Variants in DOK7 observed in about 807,000 individuals in gnomAD.
DOK7 encodes protein Dok-7.
In DOK7, 32 loss-of-function variants were observed where a neutral mutation model predicts 30.7. The ratio of observed to expected loss-of-function variants is 1.04; its 90% CI spans 0.79 to 1.40. DOK7 has a LOEUF of 1.40. Among genes scored for constraint, DOK7 ranks in the 40% most tolerant of loss-of-function variants. DOK7 has a pLI of 0.00. For missense variants in DOK7, 1,007 were observed against 699.2 expected, an observed-to-expected ratio of 1.44 and a Z score of -4.97; for synonymous variants, 447 against 324.1, an observed-to-expected ratio of 1.38 and a Z score of -4.07.
chr4:3,489,378 GTGAGGAAGA>G (rs1453280778), intron 5 of DOK7, among the ~76,000 whole-genome samples: 10 of 152,208 alleles, frequency 6.6e-5, no homozygotes, highest in East Asian at 1.9e-4. Flanking sequence ...AAACTCGGTG[GTGAGGAAGA>G]TGAGGAAGGA....
At chr4:3,492,615 T>C in intron 6 of DOK7, 144 bp from the exon 7 acceptor site, 1 of 1,107,974 alleles carries the variant, frequency 9.0e-7, no homozygotes. Flanking sequence ...GCCAGGTTTC[T>C]GCTGTAGGCC....
intron 4 of DOK7, among the ~76,000 whole-genome samples, chr4:3,478,568 G>C (rs1727258258): frequency 8.6e-6 from 1 of 116,372 alleles, no homozygotes; most frequent in African/African-American, 3.1e-5. Context: ...TGCAGACTGG[G>C]CTGGCCCCAC....
Position 3,493,651 on chromosome 4 carries a change from C to G in DOK7, c.*150C>G. 1 of 1,459,254 alleles carries G rather than the reference C, an allele frequency of 6.9e-7. No individual in the cohort carries two copies. Among genetic ancestry groups the G allele is most frequent in the Non-Finnish European group, 9.1e-7 (1 of 1,104,608 alleles). The allele number at this position is 1,459,254 out of a possible 1,614,324, so 90.4% of individuals were successfully genotyped here. A position where few individuals can be genotyped will look rare whatever the true frequency, so the allele number is the denominator to read the frequency against. ...GGAGAGGGGAGCTGGAGGGCGCGCC[C>G]TGTGGCTGCCACCGGAGGAAGGGGC... On this transcript the variant is annotated 3_prime_UTR_variant, in exon 7 of 7. Transcript: ENST00000340083.
At position 3,471,543 on chromosome 4, in the gene DOK7, T is replaced by C. The variant is rs1482682345; in HGVS notation, c.101-1863T>C. 2.6e-5 allele frequency among the ~76,000 whole-genome samples: 4 copies of C among 152,362 alleles called. No individual in the cohort carries two copies. The East Asian group carries it at 7.7e-4, about 29-fold the overall frequency. ...CACTTCAACTGCAGACGGTGGAGAC[T>C]GCGGGCTGTCCTCCGGCTCAAGCGG... On this transcript the variant is annotated intron_variant, in intron 2 of 6. Transcript: ENST00000340083.
Position 3,494,329 on chromosome 4 carries a change from C to G in DOK7, c.*828C>G. The G allele has an allele frequency of 1.0e-6, 1 of 985,806 alleles. No homozygotes were observed. Among genetic ancestry groups the G allele is most frequent in the Non-Finnish European group, 1.2e-6 (1 of 830,208 alleles). The allele number at this position is 985,806 out of a possible 1,614,324, so 61.1% of individuals were successfully genotyped here. ...TGGGGCTGTGTTGGGCCCATTGTCC[C>G]CCGCCCTGGGTGGCTTCCTCTTGCA... On this transcript the variant is annotated 3_prime_UTR_variant, in exon 7 of 7. Coordinates refer to ENST00000340083, the MANE Select transcript of DOK7 (RefSeq NM_173660.5).
At chr4:3,489,633 G>C in intron 5 of DOK7, 44 bp from the exon 6 acceptor site, 3 of 1,556,884 alleles carry the variant, frequency 1.9e-6, no homozygotes. Context: ...GCGAGGGTGG[G>C]CGGTGGTGGC....
intron 2 of DOK7, among the ~76,000 whole-genome samples, chr4:3,464,398 G>C (rs565948830): frequency 6.6e-6 from 1 of 152,182 alleles, no homozygotes; most frequent in African/African-American, 2.4e-5. Flanking sequence ...GCCTGCCTCC[G>C]CCTCCCCTTG....
chr4:3,464,720 A>G lies in DOK7; in HGVS notation c.100+1169A>G, dbSNP rs563159824. ...GCCGCATCCCAGGAAGGCACCCGGG[A>G]CAGCAGCCCCCAAAGAGGAGTGTCG... is the stretch of plus-strand genomic sequence containing the variant. On this transcript the variant is annotated intron_variant, in intron 2 of 6. Transcript: ENST00000340083. Among the ~76,000 whole-genome samples, 8 of 152,284 alleles carry G rather than the reference A, an allele frequency of 5.3e-5. No homozygotes were observed. The South Asian group carries it at 1.2e-3, about 24-fold the overall frequency.
chr4:3,494,508 G>A (rs950081386), downstream of DOK7: 136 of 985,452 alleles, frequency 1.4e-4, no homozygotes, highest in Non-Finnish European at 1.3e-4. Context: ...CCGTTGCCCA[G>A]CCCTCTCCGC....
chr4:3,467,419 G>A (rs1726359139), intron 2 of DOK7, among the ~76,000 whole-genome samples: 1 of 151,494 alleles, frequency 6.6e-6, no homozygotes, highest in Admixed American at 6.6e-5. Context: ...GGTGTCTGGT[G>A]GGCTTCTCAG....
intron 2 of DOK7, among the ~76,000 whole-genome samples, chr4:3,472,522 C>T (rs1006224012): frequency 6.6e-6 from 1 of 152,218 alleles, no homozygotes; most frequent in African/African-American, 2.4e-5. Flanking sequence ...CCGGGAGGGC[C>T]GGGAGTCTTC....
In DOK7 at chr4:3,492,906, C is replaced by T. The variant is rs766438376; in HGVS notation, c.920C>T (p.Ala307Val). ...CCTAGACCAGCAGCTGCCCAGGCCG[C>T]CGGGGAAGCCATGGTGGGTGCCTCA... ...EGPRPAAAQA[A>V]GEAMVGASRP... The change falls in exon 7 of 7, where the codon GCC (alanine) becomes GTC (valine). Residue 307 changes from alanine (A) to valine (V), a missense_variant. Transcript: ENST00000340083. The T allele has an allele frequency of 1.3e-6, 2 of 1,575,270 alleles. No individual in the cohort carries two copies. Among genetic ancestry groups the T allele is most frequent in the Non-Finnish European group, 1.7e-6 (2 of 1,163,632 alleles).
At chr4:3,496,962 GA>G, downstream of DOK7, 1 of 328,552 alleles carries the variant, frequency 3.0e-6, no homozygotes, top group Non-Finnish European at 6.1e-6. Context: ...GGGGAGGGGG[GA>G]GGGTGGGGGG....
At position 3,492,815 on chromosome 4, in the gene DOK7, G is replaced by A. The variant is rs759117081; in HGVS notation, c.829G>A (p.Ala277Thr). The A allele has an allele frequency of 5.5e-5, 88 of 1,612,462 alleles. No homozygotes were observed. The highest frequency in any genetic ancestry group is 1.6e-4 in the Middle Eastern group (1 of 6,084). ...SSEASHLDVS[A>T]SSRLTAWPEQ... Reference sequence around the variant, plus strand: ...AGAGGCCAGTCACTTGGACGTCAGCGCCAGCAGCCGGCTCACCGCATGGCC... The same window carrying A: ...AGAGGCCAGTCACTTGGACGTCAGCACCAGCAGCCGGCTCACCGCATGGCC... Residue 277 changes from alanine to threonine, a missense_variant, in exon 7 of 7, where the codon GCC becomes ACC. Coordinates refer to ENST00000340083, the MANE Select transcript of DOK7 (RefSeq NM_173660.5).
At chr4:3,473,737 C>G (rs143987941) in intron 3 of DOK7, 101 bp downstream of exon 3, 2 of 1,159,058 alleles carry the variant, frequency 1.7e-6, no homozygotes, top group Non-Finnish European at 2.4e-6. Context: ...TCCAGGGAAC[C>G]GTGCAGGAAG....
downstream of DOK7, chr4:3,496,906 GC>G (rs1227046238): frequency 4.6e-6 from 7 of 1,529,610 alleles, no homozygotes; most frequent in Non-Finnish European, 5.2e-6. Context: ...GGACAGGAAG[GC>G]GGGAGTCTGG....
At chr4:3,478,177 A>G (rs367634296) in intron 4 of DOK7, among the ~76,000 whole-genome samples, 1 of 152,116 alleles carries the variant, frequency 6.6e-6, no homozygotes, top group East Asian at 1.9e-4. Context: ...CCGCGTGCTC[A>G]CCCTCTAAGC....
rs543344505 is a variant in DOK7 at position 3,493,456 on chromosome 4, G to C, written c.1470G>C (p.Ser490=). ...PHAGPPPAFF[S]ACPVCGGLKV... ...CGGGGCCACCCCCGGCTTTCTTTTC[G>C]GCATGTCCAGTCTGTGGAGGACTCA... The change falls in exon 7 of 7, where the codon TCG becomes TCC. Residue 490 remains serine (S), a synonymous_variant. Coordinates refer to ENST00000340083, the MANE Select transcript of DOK7 (RefSeq NM_173660.5). The C allele has an allele frequency of 1.9e-6, 3 of 1,610,086 alleles. No homozygotes were observed. The highest frequency in any genetic ancestry group is 2.5e-6 in the Non-Finnish European group (3 of 1,178,816).
chr4:3,473,492 T>C lies in DOK7; in HGVS notation c.187T>C (p.Cys63Arg). 1 of 1,611,172 alleles carries C rather than the reference T, an allele frequency of 6.2e-7. No individual in the cohort carries two copies. ...ERSSLTLEDI[C>R]GLEPGLPYEG... The stretch of plus-strand genomic sequence containing the variant: ...CAGCAGCCTGACGCTAGAGGACATC[T>C]GCGGGCTGGAGCCCGGCCTGCCCTA... Residue 63 changes from cysteine to arginine, a missense_variant, in exon 3 of 7, where the codon TGC becomes CGC. Coordinates refer to ENST00000340083, the MANE Select transcript of DOK7 (RefSeq NM_173660.5).
Sources: allele counts gnomAD v4.1 joint callset (sites outside exome capture counted in the v4.1 genomes callset), GRCh38; gene constraint gnomAD v4.1.1; transcripts MANE v1.5; gene names NCBI Gene and HGNC (gene_info 2026-07-23, HGNC 2026-07-21).